ZSCAN2: variants seen among roughly 807,000 people sequenced by gnomAD.
ZSCAN2 encodes the protein zinc finger and SCAN domain-containing protein 2.
ZSCAN2 carries 26 observed loss-of-function variants against 47.8 expected under a neutral mutation model. The ratio of observed to expected loss-of-function variants is 0.54; its 90% CI spans 0.40 to 0.75. The LOEUF is 0.75. ZSCAN2 is among the 30% of genes least tolerant of loss of function. The pLI is 0.00. For missense variants in ZSCAN2, 732 were observed against 785.4 expected, an observed-to-expected ratio of 0.93 and a Z score of 0.81; for synonymous variants, 305 against 288.7, an observed-to-expected ratio of 1.06 and a Z score of -0.57.
chr15:84,612,492 T>A (rs1427664331), intron 2 of ZSCAN2, among the ~76,000 whole-genome samples: 4 of 152,180 alleles, frequency 2.6e-5, no homozygotes, highest in Non-Finnish European at 4.4e-5. Context: ...CCGAGCACTT[T>A]GGGAGGCCGA....
At chr15:84,608,546 A>G (rs528240729) in intron 2 of ZSCAN2, among the ~76,000 whole-genome samples, 36 of 151,588 alleles carry the variant, frequency 2.4e-4, no homozygotes, top group South Asian at 4.2e-4. Context: ...AAAAAAAAAA[A>G]AAAAGAAACT....
intron 1 of ZSCAN2, chr15:84,601,845 C>T (rs748030815): frequency 1.3e-5 from 2 of 151,916 alleles, no homozygotes; most frequent in Non-Finnish European, 2.9e-5. Flanking sequence ...AGCGCTTGGG[C>T]TAAAAATAAT....
At chr15:84,613,859 T>G (rs1895621880) in intron 2 of ZSCAN2, among the ~76,000 whole-genome samples, 1 of 151,948 alleles carries the variant, frequency 6.6e-6, no homozygotes, top group South Asian at 2.1e-4. Flanking sequence ...TTTTTGTATT[T>G]TTAGTAGAGA....
intron 2 of ZSCAN2, chr15:84,612,242 C>G (rs1250303767): frequency 2.6e-5 from 4 of 152,226 alleles, no homozygotes; most frequent in African/African-American, 7.2e-5. Flanking sequence ...TAGAATGACT[C>G]CTGTGTCTCT....
chr15:84,612,607 C>T (rs1376971672), intron 2 of ZSCAN2, among the ~76,000 whole-genome samples: 1 of 152,122 alleles, frequency 6.6e-6, no homozygotes, highest in East Asian at 1.9e-4. Flanking sequence ...TGGTGTCCGG[C>T]GCCTGTAGTC....
At chr15:84,605,940 C>T (rs755919471) in intron 2 of ZSCAN2, among the ~76,000 whole-genome samples, 19 of 152,224 alleles carry the variant, frequency 1.2e-4, no homozygotes, top group Non-Finnish European at 2.2e-4. Flanking sequence ...CACCAGAGAT[C>T]CCTTAAGATC....
At chr15:84,608,605 G>C (rs1161959123) in intron 2 of ZSCAN2, among the ~76,000 whole-genome samples, 1 of 150,506 alleles carries the variant, frequency 6.6e-6, no homozygotes, top group East Asian at 2.0e-4. Context: ...ACTCCAATTT[G>C]AGAACCTCTG....
At chr15:84,615,460 A>G (rs1216727713) in intron 2 of ZSCAN2, among the ~76,000 whole-genome samples, 18 of 152,044 alleles carry the variant, frequency 1.2e-4, no homozygotes, top group Non-Finnish European at 1.5e-5. Context: ...CCTCTTAAGT[A>G]GCTGGGTCTA....
rs142275625 is a variant in ZSCAN2, at chr15:84,620,782, A to G, written c.587A>G (p.His196Arg). The change falls in exon 3 of 3, where the codon CAC (histidine) becomes CGC (arginine). Residue 196 changes from histidine to arginine, a missense_variant. By Grantham distance (29) the His-to-Arg change is conservative. Around this residue, in one of 2 missense-constraint regions of ZSCAN2, gnomAD observed 320 missense variants for 287.4 expected, o/e 1.11. Transcript: ENST00000546148. Reference sequence around the variant, plus strand: ...CAGGGACACAGCCCAGGTGAGGACCACGGGGAGGTGGTTTCTCAGGACAGG... The same window carrying G: ...CAGGGACACAGCCCAGGTGAGGACCGCGGGGAGGTGGTTTCTCAGGACAGG... ...RLQGHSPGED[H>R]GEVVSQDREV... The G allele has an allele frequency of 8.1e-6, 13 of 1,614,104 alleles. No individual in the cohort carries two copies. The highest frequency in any genetic ancestry group is 1.1e-5 in the Non-Finnish European group (13 of 1,180,056).
At chr15:84,617,910 C>T (rs975125788) in intron 2 of ZSCAN2, among the ~76,000 whole-genome samples, 22 of 151,988 alleles carry the variant, frequency 1.4e-4, no homozygotes, top group Admixed American at 6.6e-4. Context: ...ACTGTACTAC[C>T]GCCTCGGTGA....
chr15:84,622,235 CAG>C lies in ZSCAN2; in HGVS notation c.*196_*197del. ...GTCAAGTCCCGTATACATTCAAGAA[CAG>C]GGCATAGGCGTGGAAGGTCTGGAAA... On this transcript the variant is annotated 3_prime_UTR_variant, in exon 3 of 3. Coordinates refer to ENST00000546148, the MANE Select transcript of ZSCAN2 (RefSeq NM_181877.4). 3.2e-6 allele frequency: 2 copies of C among 615,668 alleles called. No individual in the cohort carries two copies. Among genetic ancestry groups the C allele is most frequent in the Non-Finnish European group, 5.8e-6 (2 of 344,274 alleles). The allele number at this position is 615,668 out of a possible 1,614,324, so 38.1% of individuals were successfully genotyped here.
chr15:84,601,715 T>A (rs146012162), intron 1 of ZSCAN2, among the ~76,000 whole-genome samples: 2 of 152,192 alleles, frequency 1.3e-5, no homozygotes, highest in African/African-American at 4.8e-5. Context: ...TTTAAAAAAT[T>A]TTTTTATTTT....
chr15:84,613,571 G>A (rs1216010322), intron 2 of ZSCAN2, among the ~76,000 whole-genome samples: 2 of 152,056 alleles, frequency 1.3e-5, no homozygotes, highest in Non-Finnish European at 2.9e-5. Context: ...GCCTCCCAAA[G>A]TTTTGGGATT....
At chr15:84,611,908 C>T (rs1480208043) in intron 2 of ZSCAN2, 1 of 152,206 alleles carries the variant, frequency 6.6e-6, no homozygotes, top group Non-Finnish European at 1.5e-5. Flanking sequence ...CCATTGCTAT[C>T]AGTAAAAAAA....
rs751582772 is a variant in ZSCAN2 at position 84,621,577 on chromosome 15, T to C, written c.1382T>C (p.Leu461Pro). ...AAGAGCTTCAGCCAGAGCTCCAGTC[T>C]GATTGCACACCAGGGCATGCACACA... ...CGKSFSQSSS[L>P]IAHQGMHTGE... Residue 461 changes from leucine (L) to proline (P), a missense_variant, in exon 3 of 3, where the codon CTG becomes CCG. By Grantham distance (98) the Leu-to-Pro change is moderately conservative. This residue lies in a region of ZSCAN2 where 412 missense variants were observed against 498.0 expected (regional missense o/e 0.83). Coordinates refer to ENST00000546148, the MANE Select transcript of ZSCAN2 (RefSeq NM_181877.4). The surrounding 1 kb of genome is among the most constrained non-coding windows in gnomAD (Gnocchi z 5.7). The C allele has an allele frequency of 6.2e-7, 1 of 1,614,104 alleles. No homozygotes were observed. Among genetic ancestry groups the C allele is most frequent in the Non-Finnish European group, 8.5e-7 (1 of 1,180,016 alleles).
intron 2 of ZSCAN2, chr15:84,611,738 C>CA (rs2141777656): frequency 6.6e-6 from 1 of 152,286 alleles, no homozygotes; most frequent in East Asian, 1.9e-4. Context: ...GAGACTGTCT[C>CA]AAAAAACACA....
chr15:84,609,202 T>C (rs1360129367), intron 2 of ZSCAN2, among the ~76,000 whole-genome samples: 2 of 152,248 alleles, frequency 1.3e-5, no homozygotes, highest in East Asian at 3.9e-4. Flanking sequence ...TTACAGCTTA[T>C]GTCTTTTTAA....
At chr15:84,605,317 C>T (rs980752797) in intron 2 of ZSCAN2, among the ~76,000 whole-genome samples, 6 of 152,010 alleles carry the variant, frequency 3.9e-5, no homozygotes, top group Admixed American at 6.6e-5. Context: ...TCTCAGGGCT[C>T]GAAGGATATG....
chr15:84,623,045 G>A lies in ZSCAN2; in HGVS notation c.*1005G>A, dbSNP rs182890698. ...TTTTATTTTTTATTTGATATATGCC[G>A]AGCTAGAATCCTGTCGGGTAGCTTT... is the stretch of plus-strand genomic sequence containing the variant. On this transcript the variant is annotated 3_prime_UTR_variant, in exon 3 of 3. Coordinates refer to ENST00000546148, the MANE Select transcript of ZSCAN2 (RefSeq NM_181877.4). The A allele has an allele frequency of 9.5e-5, 20 of 210,846 alleles. No individual in the cohort carries two copies. The highest frequency in any genetic ancestry group is 3.3e-4 in the African/African-American group (14 of 42,996). 13.1% of individuals were successfully genotyped at this position (210,846 alleles called of 1,614,324 possible). A position where few individuals can be genotyped will look rare whatever the true frequency, so the allele number is the denominator to read the frequency against.
Sources: allele counts gnomAD v4.1 joint callset (sites outside exome capture counted in the v4.1 genomes callset), GRCh38; gene constraint gnomAD v4.1.1; regional missense constraint gnomAD v4.1.1; non-coding constraint Gnocchi (gnomAD v3.1); transcripts MANE v1.5; gene names NCBI Gene and HGNC (gene_info 2026-07-23, HGNC 2026-07-21).